The following C2 variants were observed in gnomAD, a reference collection of about 807,000 sequenced individuals.
C2 encodes complement C2.
In C2, 64 loss-of-function variants were observed where a neutral mutation model predicts 85.2. The observed-to-expected ratio is 0.75, with a 90% confidence interval of 0.61 to 0.92. The LOEUF (loss-of-function observed/expected upper bound fraction) is 0.92. C2 is among the 40% of genes least tolerant of loss of function. The pLI is 0.00. For missense variants in C2, 820 were observed against 971.6 expected, an observed-to-expected ratio of 0.84 and a Z score of 2.07; for synonymous variants, 311 against 370.8, an observed-to-expected ratio of 0.84 and a Z score of 1.85.
intron 1 of C2, among the ~76,000 whole-genome samples, chr6:31,908,863 A>G (rs962766360): frequency 1.3e-5 from 2 of 152,022 alleles, no homozygotes; most frequent in East Asian, 3.9e-4. Context: ...GACGTATGCT[A>G]TTGCACACTG....
intron 5 of C2, 25 bp downstream of exon 5, chr6:31,933,990 G>A (rs1770177651): frequency 1.3e-6 from 2 of 1,596,974 alleles, no homozygotes; most frequent in Non-Finnish European, 1.7e-6. Context: ...TGGGGTTTCT[G>A]GTTGAGCAGG....
At chr6:31,931,238 T>A (rs565870148) in intron 3 of C2, among the ~76,000 whole-genome samples, 20 of 152,216 alleles carry the variant, frequency 1.3e-4, no homozygotes, top group Admixed American at 1.3e-3. Flanking sequence ...TTGGGGCCAT[T>A]AGGAGTAAAG....
At chr6:31,939,424 T>C (rs566145823) in intron 9 of C2, 104 bp downstream of exon 9, 120 of 928,438 alleles carry the variant, frequency 1.3e-4, no homozygotes, top group Middle Eastern at 1.3e-3. Context: ...AGCCACATGG[T>C]TTTATTTCTG....
At chr6:31,932,792 C>T (rs1770008560) in intron 3 of C2, among the ~76,000 whole-genome samples, 6 of 152,226 alleles carry the variant, frequency 3.9e-5, no homozygotes, top group Admixed American at 1.3e-4. Context: ...TGTAGCGAGC[C>T]AAGATCACGC....
upstream of C2, among the ~76,000 whole-genome samples, chr6:31,919,120 A>ATTTCT (rs548466657): frequency 9.5e-4 from 142 of 148,904 alleles, no homozygotes; most frequent in Middle Eastern, 0.014. Flanking sequence ...CCAGTAGGGT[A>ATTTCT]TTTCTTTTCT....
At position 31,931,657 on chromosome 6, in the gene C2, C is replaced by A. The variant is rs542398335; in HGVS notation, c.443-1953C>A. The stretch of plus-strand genomic sequence containing the variant: ...GAACAAAATGAAAAGTCTCCCAGGT[C>A]TACCTCTTTCTACACAGACACGGCA... On this transcript the variant is annotated intron_variant, in intron 3 of 17. Coordinates refer to ENST00000299367, the MANE Select transcript of C2 (RefSeq NM_000063.6). Among the ~76,000 whole-genome samples, 7 of 152,274 alleles carry A rather than the reference C, an allele frequency of 4.6e-5. No homozygotes were observed. In the East Asian group the frequency reaches 1.3e-3, roughly 29 times the overall value.
chr6:31,906,122 A>G (rs984245524), intron 1 of C2, among the ~76,000 whole-genome samples: 1 of 151,846 alleles, frequency 6.6e-6, no homozygotes, highest in East Asian at 1.9e-4. Flanking sequence ...AAAACCTCCA[A>G]CTTCTTTCTC....
At chr6:31,911,930 C>CT (rs70990289) in intron 1 of C2, among the ~76,000 whole-genome samples, 72,608 of 122,906 alleles carry the variant, frequency 0.59, 21,998 homozygotes, top group East Asian at 0.74. Flanking sequence ...ATGTCTGGCC[C>CT]TTTTTTTTTT....
chr6:31,943,620 C>A lies in C2; in HGVS notation c.1568-24C>A. ...GGCCCCTGCAGGAGCCCTGGTCTAGCCTAATCTAGTGTATCATTTCCAGGA... is the reference window on the plus strand; with the variant it reads ...GGCCCCTGCAGGAGCCCTGGTCTAGACTAATCTAGTGTATCATTTCCAGGA... On this transcript the variant is annotated intron_variant, in intron 12 of 17. Coordinates refer to ENST00000299367, the MANE Select transcript of C2 (RefSeq NM_000063.6). The surrounding 1 kb of genome is among the most constrained non-coding windows in gnomAD (Gnocchi z 6.4). 3 of 1,612,752 alleles carry A rather than the reference C, an allele frequency of 1.9e-6. No homozygotes were observed. The highest frequency in any genetic ancestry group is 1.7e-6 in the Non-Finnish European group (2 of 1,179,754).
intron 1 of C2, among the ~76,000 whole-genome samples, chr6:31,906,520 G>C (rs1257276884): frequency 6.6e-6 from 1 of 151,882 alleles, no homozygotes; most frequent in African/African-American, 2.4e-5. Context: ...CCCAGATCCA[G>C]GTCTATCTGG....
intron 1 of C2, among the ~76,000 whole-genome samples, chr6:31,912,087 A>G (rs1018725911): frequency 1.3e-5 from 2 of 152,042 alleles, no homozygotes; most frequent in Non-Finnish European, 2.9e-5. Flanking sequence ...CTGCATTTCT[A>G]CAAGTTCCTG....
At chr6:31,898,983 A>G (rs1766943257), upstream of C2, among the ~76,000 whole-genome samples, 1 of 151,670 alleles carries the variant, frequency 6.6e-6, no homozygotes, top group Admixed American at 6.6e-5. Context: ...CAGAGTTGTG[A>G]CCTCTAGGTA....
chr6:31,915,395 C>T (rs1768436415), upstream of C2, among the ~76,000 whole-genome samples: 1 of 152,144 alleles, frequency 6.6e-6, no homozygotes, highest in East Asian at 1.9e-4. Context: ...GGTAAACACT[C>T]ATCTTTTAAG....
At position 31,937,310 on chromosome 6, in the gene C2, A is replaced by T. The variant is rs1284548990; in HGVS notation, c.989-9A>T. ...TTCTAAGAGAGTCCTTCCTTTTGGC[A>T]TATTCCAGATCATGAAAATGGAACT... On this transcript the variant is annotated splice_polypyrimidine_tract_variant and intron_variant, in intron 7 of 17. Transcript: ENST00000299367. 1 of 1,612,752 alleles carries T rather than the reference A, an allele frequency of 6.2e-7. No homozygotes were observed. Among genetic ancestry groups the T allele is most frequent in the Non-Finnish European group, 8.5e-7 (1 of 1,179,902 alleles).
intron 4 of C2, 30 bp downstream of exon 4, chr6:31,933,813 C>T (rs764464539): frequency 1.2e-6 from 2 of 1,613,756 alleles, no homozygotes; most frequent in Non-Finnish European, 1.7e-6. Flanking sequence ...TCCTGAGATT[C>T]CTCGGCACAC....
chr6:31,934,291 G>C lies in C2; in HGVS notation c.841G>C (p.Val281Leu). The C allele has an allele frequency of 6.3e-7, 1 of 1,593,908 alleles. No individual in the cohort carries two copies. The highest frequency in any genetic ancestry group is 1.1e-5 in the South Asian group (1 of 91,074). Reference protein sequence around the residue: ...LIFKESASLMVDRIFSFEINV... With the variant: ...LIFKESASLMLDRIFSFEINV... ...CTTCAAGGAGAGCGCCTCCCTCATGGTGGACAGGGTCAGGAATCAGGAGTC... is the reference window on the plus strand; with the variant it reads ...CTTCAAGGAGAGCGCCTCCCTCATGCTGGACAGGGTCAGGAATCAGGAGTC... Residue 281 changes from valine (V) to leucine (L), a missense_variant, in exon 6 of 18, where the codon GTG becomes CTG. Physicochemically the swap from Val to Leu is conservative, Grantham distance 32. Transcript: ENST00000299367.
upstream of C2, chr6:31,899,695 C>T (rs1266507784): frequency 3.8e-6 from 2 of 533,182 alleles, no homozygotes; most frequent in Non-Finnish European, 6.6e-6. Context: ...CTCTGGGACC[C>T]CGTATTCCCC....
intron 9 of C2, 89 bp downstream of exon 9, chr6:31,939,409 T>C (rs1770704645): frequency 2.0e-6 from 2 of 1,015,298 alleles, no homozygotes; most frequent in Admixed American, 3.5e-5. Context: ...TTAGCTATGG[T>C]CCAGAGCCAC....
At position 31,942,983 on chromosome 6, in the gene C2, A is replaced by C. The variant is rs1165526841; in HGVS notation, c.1244A>C (p.Lys415Thr). The change falls in exon 10 of 18, where the codon AAG becomes ACG. Residue 415 changes from lysine to threonine, a missense_variant. Lys to Thr is a moderately conservative substitution (Grantham distance 78). Coordinates refer to ENST00000299367, the MANE Select transcript of C2 (RefSeq NM_000063.6). ...YLDIYAIGVG[K>T]LDVDWRELNE... Reference sequence around the variant, plus strand: ...GACATCTATGCCATCGGGGTGGGCAAGCTGGATGTGGACTGGAGAGAACTG... The same window carrying C: ...GACATCTATGCCATCGGGGTGGGCACGCTGGATGTGGACTGGAGAGAACTG... 1.2e-5 allele frequency: 20 copies of C among 1,612,978 alleles called. No homozygotes were observed. The highest frequency in any genetic ancestry group is 1.7e-5 in the Admixed American group (1 of 60,008).
Sources: allele counts gnomAD v4.1 joint callset (sites outside exome capture counted in the v4.1 genomes callset), GRCh38; gene constraint gnomAD v4.1.1; non-coding constraint Gnocchi (gnomAD v3.1); transcripts MANE v1.5; gene names NCBI Gene and HGNC (gene_info 2026-07-23, HGNC 2026-07-21).